CCSER1: variants seen among roughly 807,000 people sequenced by gnomAD.
The protein encoded by CCSER1 is coiled-coil serine rich protein 1.
CCSER1 carries 41 observed loss-of-function variants against 82.0 expected under a neutral mutation model. The observed-to-expected ratio is 0.50, with a 90% confidence interval of 0.39 to 0.65. The LOEUF is 0.65. CCSER1 is among the 30% of genes least tolerant of loss of function. CCSER1 has a pLI of 0.00. For missense variants in CCSER1, 1,119 were observed against 1,064.2 expected (o/e 1.05, Z -0.72); for synonymous variants, 414 against 383.9 (o/e 1.08, Z -0.92).
At chr4:91,117,287 T>C (rs1490942678) in intron 10 of CCSER1, among the ~76,000 whole-genome samples, 4 of 152,220 alleles carry the variant, frequency 2.6e-5, no homozygotes, top group Non-Finnish European at 5.9e-5. Flanking sequence ...AGGACCTTCC[T>C]GAGACATCAT....
intron 8 of CCSER1, among the ~76,000 whole-genome samples, chr4:90,816,058 T>C (rs530206007): frequency 6.6e-6 from 1 of 152,330 alleles, no homozygotes; most frequent in African/African-American, 2.4e-5. Context: ...TGTGGAAATG[T>C]ATATGGTTCC....
chr4:90,229,047 G>T (rs1410629200), intron 1 of CCSER1, among the ~76,000 whole-genome samples: 2 of 152,196 alleles, frequency 1.3e-5, no homozygotes, highest in Non-Finnish European at 2.9e-5. Context: ...AAAACACTCT[G>T]CAGGATGTCA....
intron 8 of CCSER1, among the ~76,000 whole-genome samples, chr4:90,821,585 A>G (rs974489382): frequency 6.6e-6 from 1 of 152,212 alleles, no homozygotes; most frequent in African/African-American, 2.4e-5. Flanking sequence ...TTAATTTATT[A>G]AGATATTTAA....
intron 10 of CCSER1, among the ~76,000 whole-genome samples, chr4:91,222,807 C>T (rs184908138): frequency 6.6e-6 from 1 of 152,162 alleles, no homozygotes; most frequent in African/African-American, 2.4e-5. Flanking sequence ...GTAGTTAGTA[C>T]AACTGGGAAA....
At chr4:91,055,080 T>G (rs1180915271) in intron 9 of CCSER1, among the ~76,000 whole-genome samples, 1 of 152,194 alleles carries the variant, frequency 6.6e-6, no homozygotes, top group Non-Finnish European at 1.5e-5. Flanking sequence ...GCTTACTGTC[T>G]TCTTTGTGTT....
chr4:90,322,890 TG>T (rs1419050241), intron 3 of CCSER1, among the ~76,000 whole-genome samples: 1 of 152,146 alleles, frequency 6.6e-6, no homozygotes, highest in East Asian at 1.9e-4. Flanking sequence ...AGTGCAGTAC[TG>T]GGTCTTACCC....
chr4:91,252,837 A>G (rs1740359194), intron 10 of CCSER1, among the ~76,000 whole-genome samples: 1 of 152,200 alleles, frequency 6.6e-6, no homozygotes, highest in African/African-American at 2.4e-5. Context: ...TTTCACTACC[A>G]AAACCCAACT....
At chr4:90,935,527 A>G (rs1311520382) in intron 9 of CCSER1, among the ~76,000 whole-genome samples, 1 of 152,194 alleles carries the variant, frequency 6.6e-6, no homozygotes, top group Non-Finnish European at 1.5e-5. Flanking sequence ...TGCAAAATGG[A>G]CTAAGATATG....
intron 1 of CCSER1, among the ~76,000 whole-genome samples, chr4:90,255,258 A>G (rs1723068806): frequency 6.6e-6 from 1 of 152,182 alleles, no homozygotes. Context: ...TTGAATAAGC[A>G]TAACCATATA....
chr4:91,090,301 A>C (rs1487615098), intron 10 of CCSER1, among the ~76,000 whole-genome samples: 1 of 152,222 alleles, frequency 6.6e-6, no homozygotes, highest in Non-Finnish European at 1.5e-5. Flanking sequence ...CAGGTGGCTT[A>C]GCATAGGCTC....
chr4:91,506,586 T>C (rs1325804043), intron 10 of CCSER1, among the ~76,000 whole-genome samples: 1 of 152,180 alleles, frequency 6.6e-6, no homozygotes, highest in East Asian at 1.9e-4. Flanking sequence ...TCTTTTCCCA[T>C]TTGTTTAAAT....
chr4:91,158,646 GT>G, intron 10 of CCSER1, among the ~76,000 whole-genome samples: 1 of 148,720 alleles, frequency 6.7e-6, no homozygotes, highest in Middle Eastern at 3.4e-3. Flanking sequence ...GTGTGTGTGT[GT>G]CTCACTGGGA....
At chr4:90,920,036 A>C (rs1728145176) in intron 8 of CCSER1, among the ~76,000 whole-genome samples, 2 of 151,896 alleles carry the variant, frequency 1.3e-5, no homozygotes, top group African/African-American at 2.4e-5. Context: ...GAGTTGTTTT[A>C]ATTCTTCACT....
chr4:91,552,819 A>T (rs1198720266), intron 10 of CCSER1, among the ~76,000 whole-genome samples: 1 of 146,012 alleles, frequency 6.8e-6, no homozygotes, highest in African/African-American at 2.5e-5. Flanking sequence ...TCTATCATCT[A>T]AAAAAAGATA....
intron 10 of CCSER1, among the ~76,000 whole-genome samples, chr4:91,096,220 G>A (rs1724497945): frequency 6.6e-6 from 1 of 152,182 alleles, no homozygotes; most frequent in Non-Finnish European, 1.5e-5. Context: ...GGGCCGCCAA[G>A]GGAGGAGTTT....
chr4:91,555,039 A>C (rs1237968624), intron 10 of CCSER1, among the ~76,000 whole-genome samples: 2 of 151,292 alleles, frequency 1.3e-5, no homozygotes, highest in African/African-American at 4.9e-5. Context: ...ATTGACTCAA[A>C]TTGGATTAAA....
chr4:91,585,141 T>C (rs1763926855), intron 10 of CCSER1, among the ~76,000 whole-genome samples: 1 of 151,562 alleles, frequency 6.6e-6, no homozygotes, highest in African/African-American at 2.4e-5. Flanking sequence ...CATTTATTTC[T>C]ATGTAAACAT....
intron 1 of CCSER1, among the ~76,000 whole-genome samples, chr4:90,296,204 A>G (rs1731873436): frequency 1.3e-5 from 2 of 152,036 alleles, no homozygotes; most frequent in South Asian, 2.1e-4. Flanking sequence ...TGACTAAACT[A>G]TTTTGTTGAC....
At chr4:91,487,583 T>A (rs1445797007) in intron 10 of CCSER1, among the ~76,000 whole-genome samples, 1 of 152,150 alleles carries the variant, frequency 6.6e-6, no homozygotes, top group African/African-American at 2.4e-5. Context: ...TTTATTTAGA[T>A]TATTATGTTT....
Sources: allele counts gnomAD v4.1 joint callset (sites outside exome capture counted in the v4.1 genomes callset), GRCh38; gene constraint gnomAD v4.1.1; transcripts MANE v1.5; gene names NCBI Gene and HGNC (gene_info 2026-07-23, HGNC 2026-07-21).